Variants in GPC6 observed in about 807,000 individuals in gnomAD.
GPC6 encodes the protein glypican 6.
A neutral mutation model predicts 55.2 loss-of-function variants in GPC6; 14 were observed. The observed-to-expected ratio is 0.25, with a 90% CI of 0.17 to 0.40. The LOEUF is 0.40. Among genes scored for constraint, GPC6 ranks in the 10% least tolerant of loss-of-function variants. GPC6 has a pLI of 1.00. For missense variants in GPC6, 641 were observed against 708.5 expected (o/e 0.90, Z 1.08); for synonymous variants, 278 against 259.6 (o/e 1.07, Z -0.68).
At chr13:94,143,076 C>T (rs1318988630) in intron 4 of GPC6, among the ~76,000 whole-genome samples, 3 of 151,580 alleles carry the variant, frequency 2.0e-5, no homozygotes, top group South Asian at 2.1e-4. Context: ...CCGCCTGCCT[C>T]GGCCTCCCAA....
intron 7 of GPC6, among the ~76,000 whole-genome samples, chr13:94,388,378 T>C (rs547517620): frequency 4.6e-4 from 70 of 152,310 alleles, no homozygotes; most frequent in African/African-American, 1.4e-3. Context: ...CCACTAATGA[T>C]AGACAGGTTA....
At chr13:94,102,658 TG>T (rs2138827937) in intron 4 of GPC6, among the ~76,000 whole-genome samples, 1 of 152,252 alleles carries the variant, frequency 6.6e-6, no homozygotes, top group East Asian at 1.9e-4. Context: ...ACTTGCTTTG[TG>T]TGTCTATTTA....
intron 3 of GPC6, among the ~76,000 whole-genome samples, chr13:93,859,409 G>T (rs1888735551): frequency 6.6e-6 from 1 of 151,504 alleles, no homozygotes; most frequent in Non-Finnish European, 1.5e-5. Context: ...TTATTACCAA[G>T]AAATGATTTT....
At chr13:93,971,588 T>C (rs1880284880) in intron 3 of GPC6, among the ~76,000 whole-genome samples, 1 of 152,234 alleles carries the variant, frequency 6.6e-6, no homozygotes, top group Admixed American at 6.5e-5. Flanking sequence ...TAAAAATCCA[T>C]TGAAAATACA....
chr13:93,586,289 A>C (rs976329399), intron 2 of GPC6, among the ~76,000 whole-genome samples: 1 of 152,204 alleles, frequency 6.6e-6, no homozygotes, highest in African/African-American at 2.4e-5. Flanking sequence ...AAAGGACATG[A>C]TCTCATTCAT....
At chr13:93,917,003 G>A (rs986810737) in intron 3 of GPC6, among the ~76,000 whole-genome samples, 2 of 151,892 alleles carry the variant, frequency 1.3e-5, no homozygotes, top group African/African-American at 2.4e-5. Flanking sequence ...CCCCAAATTC[G>A]CTTTCCTTGT....
At chr13:93,677,883 C>A (rs1418994357) in intron 2 of GPC6, among the ~76,000 whole-genome samples, 2 of 152,034 alleles carry the variant, frequency 1.3e-5, no homozygotes, top group African/African-American at 4.8e-5. Context: ...AATACTGATA[C>A]CTATGTAACT....
chr13:93,776,006 C>T (rs1222671763), intron 2 of GPC6, among the ~76,000 whole-genome samples: 3 of 130,750 alleles, frequency 2.3e-5, no homozygotes, highest in African/African-American at 8.7e-5. Flanking sequence ...ACACATGATT[C>T]GGTTTCATTT....
intron 4 of GPC6, among the ~76,000 whole-genome samples, chr13:94,120,434 A>T (rs1001829284): frequency 3.3e-5 from 5 of 152,050 alleles, no homozygotes; most frequent in Admixed American, 6.6e-5. Flanking sequence ...CTCTATTCTT[A>T]AAGGCCAGGT....
At chr13:93,305,677 T>C (rs760341367) in intron 1 of GPC6, among the ~76,000 whole-genome samples, 7 of 152,228 alleles carry the variant, frequency 4.6e-5, no homozygotes, top group Non-Finnish European at 1.0e-4. Context: ...TTCTTCTAGA[T>C]ATGTTGTCTT....
intron 4 of GPC6, among the ~76,000 whole-genome samples, chr13:94,176,120 C>T (rs1266746690): frequency 6.6e-6 from 1 of 151,894 alleles, no homozygotes; most frequent in Non-Finnish European, 1.5e-5. Flanking sequence ...CACGTATCTC[C>T]TCCCAGTTAA....
intron 1 of GPC6, among the ~76,000 whole-genome samples, chr13:93,319,794 A>G (rs1311510263): frequency 6.6e-6 from 1 of 152,132 alleles, no homozygotes; most frequent in East Asian, 1.9e-4. Flanking sequence ...AGGCATGAAG[A>G]CCAGATCACA....
chr13:93,435,629 G>T (rs887689906), intron 1 of GPC6, among the ~76,000 whole-genome samples: 1 of 152,122 alleles, frequency 6.6e-6, no homozygotes, highest in African/African-American at 2.4e-5. Context: ...TTGAAGCAAA[G>T]CTTGCAGAGA....
chr13:93,415,992 AG>A (rs1343822379), intron 1 of GPC6, among the ~76,000 whole-genome samples: 1 of 152,114 alleles, frequency 6.6e-6, no homozygotes, highest in East Asian at 1.9e-4. Context: ...AATGACAGAA[AG>A]GTAGTTTTAT....
At chr13:93,971,463 G>A (rs916197716) in intron 3 of GPC6, among the ~76,000 whole-genome samples, 7 of 152,176 alleles carry the variant, frequency 4.6e-5, no homozygotes, top group African/African-American at 1.7e-4. Context: ...GAAATATGGG[G>A]ATTGCCAGTA....
chr13:94,325,474 T>C (rs1441907960), intron 6 of GPC6, among the ~76,000 whole-genome samples: 4 of 152,226 alleles, frequency 2.6e-5, no homozygotes, highest in Non-Finnish European at 5.9e-5. Context: ...TCATGGGAAT[T>C]TGGGATTCAA....
rs148439435 is a variant in GPC6 at position 93,279,793 on chromosome 13, A to G, written c.160+52177A>G. Among the ~76,000 whole-genome samples the G allele has an allele frequency of 4.4e-3, 673 of 152,344 alleles. 5 individuals carry two copies. The highest frequency in any genetic ancestry group is 0.016 in the African/African-American group (649 of 41,586). ...TTAACTAAAGTACTTTAATTTCTTT[A>G]GAGATTGAAAATACAAAAACATTGT... is the stretch of plus-strand genomic sequence containing the variant. On this transcript the variant is annotated intron_variant, in intron 1 of 8. Transcript: ENST00000377047.
chr13:93,911,079 A>G (rs1377851049), intron 3 of GPC6, among the ~76,000 whole-genome samples: 1 of 152,224 alleles, frequency 6.6e-6, no homozygotes, highest in Non-Finnish European at 1.5e-5. Context: ...AAACTCAAAT[A>G]TCTTTTAAAC....
intron 1 of GPC6, among the ~76,000 whole-genome samples, chr13:93,292,570 G>A (rs953091007): frequency 4.6e-5 from 7 of 152,136 alleles, no homozygotes; most frequent in Non-Finnish European, 1.0e-4. Context: ...TTGTATATAT[G>A]TATGTCAAGC....
Sources: gnomAD v4.1 joint callset for allele counts (sites outside exome capture counted in the v4.1 genomes callset) on GRCh38, gnomAD v4.1.1 for gene constraint, MANE v1.5 for transcripts, NCBI Gene and HGNC (gene_info 2026-07-23, HGNC 2026-07-21) for gene names.